The following KLKB1 variants were observed in gnomAD, a reference collection of about 807,000 sequenced individuals.
The protein encoded by KLKB1 is plasma kallikrein.
In KLKB1, 58 loss-of-function variants were observed where a neutral mutation model predicts 73.6. The observed-to-expected ratio is 0.79, with a 90% confidence interval of 0.64 to 0.98. The LOEUF (loss-of-function observed/expected upper bound fraction) is 0.98, where lower values mean the gene tolerates loss of function less well. Ranked by LOEUF, KLKB1 falls within the 50% of genes least tolerant of loss-of-function variation. KLKB1 has a pLI of 0.00. For missense variants in KLKB1, 737 were observed against 763.8 expected, an observed-to-expected ratio of 0.96 and a Z score of 0.41; for synonymous variants, 280 against 258.1, an observed-to-expected ratio of 1.08 and a Z score of -0.81.
At position 186,245,821 on chromosome 4, in the gene KLKB1, TTGG is replaced by T. The variant is rs1308653438; in HGVS notation, c.599-4420_599-4418del. Among the ~76,000 whole-genome samples, 137 of 114,856 alleles carry T rather than the reference TTGG, an allele frequency of 1.2e-3. 14 individuals are homozygous for T. The highest frequency in any genetic ancestry group is 3.5e-3 in the East Asian group (13 of 3,750). 75.3% of individuals were successfully genotyped at this position (114,856 alleles called of 152,430 possible). A position where few individuals can be genotyped will look rare whatever the true frequency, so the allele number is the denominator to read the frequency against. ...TTTGGAGTTTTTTTTTGTTTGTTTT[TTGG>T]TTTTTTTTTTTTAATGTCAGGAGCT... On this transcript the variant is annotated intron_variant, in intron 6 of 14. Transcript: ENST00000264690.
chr4:186,218,680 A>G (rs1736964996), intron 2 of KLKB1, among the ~76,000 whole-genome samples: 1 of 152,006 alleles, frequency 6.6e-6, no homozygotes, highest in South Asian at 2.1e-4. Flanking sequence ...AGAACCCATC[A>G]GATCTATTCT....
At chr4:186,219,761 A>G (rs949909283) in intron 2 of KLKB1, among the ~76,000 whole-genome samples, 7 of 152,082 alleles carry the variant, frequency 4.6e-5, no homozygotes, top group African/African-American at 7.2e-5. Context: ...ATTCATTCCT[A>G]AGGGGTCTGG....
intron 6 of KLKB1, among the ~76,000 whole-genome samples, chr4:186,245,629 T>C (rs1269306824): frequency 6.6e-6 from 1 of 152,048 alleles, no homozygotes; most frequent in Admixed American, 6.6e-5. Flanking sequence ...GTTTAGGCAT[T>C]TTGAAGTTTT....
chr4:186,240,289 A>G (rs1737956319), intron 6 of KLKB1, among the ~76,000 whole-genome samples: 1 of 151,858 alleles, frequency 6.6e-6, no homozygotes, highest in African/African-American at 2.4e-5. Context: ...TGTTATAGTT[A>G]TAGGACAGTG....
intron 6 of KLKB1, among the ~76,000 whole-genome samples, chr4:186,244,739 T>G (rs1389696147): frequency 1.3e-5 from 2 of 152,148 alleles, no homozygotes; most frequent in African/African-American, 4.8e-5. Context: ...CTTGTCCGGT[T>G]TTTGGACAGG....
At chr4:186,245,177 G>A (rs1205968838) in intron 6 of KLKB1, among the ~76,000 whole-genome samples, 1 of 152,168 alleles carries the variant, frequency 6.6e-6, no homozygotes, top group Non-Finnish European at 1.5e-5. Flanking sequence ...GTTTTAAGAG[G>A]TTTAGAAGCC....
chr4:186,255,851 T>C, intron 12 of KLKB1, 141 bp from the exon 13 acceptor site: 1 of 660,152 alleles, frequency 1.5e-6, no homozygotes, highest in Non-Finnish European at 2.7e-6. Flanking sequence ...ATCATTAGCC[T>C]TAGAGGTTGG....
intron 2 of KLKB1, among the ~76,000 whole-genome samples, chr4:186,230,535 A>G (rs142361366): frequency 6.6e-6 from 1 of 152,362 alleles, no homozygotes; most frequent in East Asian, 1.9e-4. Context: ...AGTACTTTAC[A>G]TAGGCTCCAA....
At position 186,251,737 on chromosome 4, in the gene KLKB1, C is replaced by G. The variant is rs760833844; in HGVS notation, c.1032-12C>G. The G allele has an allele frequency of 6.2e-7, 1 of 1,607,168 alleles. No individual in the cohort carries two copies. Among genetic ancestry groups the G allele is most frequent in the Non-Finnish European group, 8.5e-7 (1 of 1,173,714 alleles). On this transcript the variant is annotated splice_polypyrimidine_tract_variant and intron_variant, in intron 9 of 14. Coordinates refer to ENST00000264690, the MANE Select transcript of KLKB1 (RefSeq NM_000892.5). ...GTGAAGGCTTACTCTTTCTACTGTTCATTTCATCTAGGTGTAAGTGTTTCT... is the reference window on the plus strand; with the variant it reads ...GTGAAGGCTTACTCTTTCTACTGTTGATTTCATCTAGGTGTAAGTGTTTCT...
chr4:186,227,970 C>T (rs1216551584), intron 1 of KLKB1, among the ~76,000 whole-genome samples: 2 of 152,084 alleles, frequency 1.3e-5, no homozygotes, highest in Admixed American at 6.6e-5. Flanking sequence ...ACAATAAACA[C>T]AACAGTAGTC....
chr4:186,240,370 A>AT (rs1737963642), intron 6 of KLKB1, among the ~76,000 whole-genome samples: 1 of 152,080 alleles, frequency 6.6e-6, no homozygotes, highest in Non-Finnish European at 1.5e-5. Flanking sequence ...TAGGACAGTG[A>AT]TATTGTTATA....
At chr4:186,240,932 G>C (rs1417482183) in intron 6 of KLKB1, among the ~76,000 whole-genome samples, 1 of 152,184 alleles carries the variant, frequency 6.6e-6, no homozygotes, top group Non-Finnish European at 1.5e-5. Context: ...TCGTGCTGTG[G>C]CTCTGGGCTG....
chr4:186,257,238 A>C lies in KLKB1; in HGVS notation c.1598A>C (p.Asn533Thr), dbSNP rs1272522794. 9 of 1,589,530 alleles carry C rather than the reference A, an allele frequency of 5.7e-6. No individual in the cohort carries two copies. The highest frequency in any genetic ancestry group is 1.3e-5 in the African/African-American group (1 of 74,452). ...GFSKEKGEIQNILQKVNIPLV... is the reference protein window; with the variant it reads ...GFSKEKGEIQTILQKVNIPLV... ...TGGTTACTCACAGGTGAAATCCAAA[A>C]TATTCTACAAAAGGTAAATATTCCT... The change falls in exon 14 of 15, where the codon AAT becomes ACT. Residue 533 changes from asparagine (N) to threonine (T), a missense_variant. Asn to Thr is a moderately conservative substitution (Grantham distance 65). Transcript: ENST00000264690.
chr4:186,236,908 T>C lies in KLKB1; in HGVS notation c.456T>C (p.Tyr152=), dbSNP rs961541129. Residue 152 remains tyrosine (Y), a synonymous_variant, in exon 5 of 15, where the codon TAT becomes TAC. Coordinates refer to ENST00000264690, the MANE Select transcript of KLKB1 (RefSeq NM_000892.5). The stretch of plus-strand genomic sequence containing the variant: ...ACATTCGCTGCCAGTTTTTTTCATA[T>C]GCCACGCAAACATTTCACAAGGCAG... ...TSNIRCQFFS[Y]ATQTFHKAEY... 8.7e-6 allele frequency: 14 copies of C among 1,614,012 alleles called. No homozygotes were observed. The highest frequency in any genetic ancestry group is 1.2e-5 in the Non-Finnish European group (14 of 1,180,024).
intron 2 of KLKB1, among the ~76,000 whole-genome samples, chr4:186,218,991 A>G (rs1175462480): frequency 6.6e-6 from 1 of 152,190 alleles, no homozygotes; most frequent in Non-Finnish European, 1.5e-5. Context: ...TAACTCCAAG[A>G]GTCCAAAAGC....
chr4:186,235,891 G>A (rs1364760492), intron 4 of KLKB1, among the ~76,000 whole-genome samples: 3 of 151,952 alleles, frequency 2.0e-5, no homozygotes, highest in Non-Finnish European at 4.4e-5. Flanking sequence ...CGAGACGGGC[G>A]GATCACGAGG....
At chr4:186,248,804 G>A (rs1017400922) in intron 6 of KLKB1, among the ~76,000 whole-genome samples, 2 of 152,068 alleles carry the variant, frequency 1.3e-5, no homozygotes, top group African/African-American at 4.8e-5. Context: ...CAACAATTGA[G>A]GGCTTCAGTC....
In KLKB1 at chr4:186,231,205, G is replaced by A. The variant is rs115136459; in HGVS notation, c.59-922G>A. ...CTATTTAAATTGAAGAGTAACTACT[G>A]CCCCAGGGAATGGACAGGTTGTCAT... On this transcript the variant is annotated intron_variant, in intron 2 of 14. Coordinates refer to ENST00000264690, the MANE Select transcript of KLKB1 (RefSeq NM_000892.5). Among the ~76,000 whole-genome samples, 144 of 152,316 alleles carry A rather than the reference G, an allele frequency of 9.5e-4. 1 individual carries two copies. Among genetic ancestry groups the A allele is most frequent in the African/African-American group, 2.6e-3 (109 of 41,558 alleles).
At chr4:186,233,310 C>G (rs1416975125) in intron 3 of KLKB1, among the ~76,000 whole-genome samples, 1 of 152,180 alleles carries the variant, frequency 6.6e-6, no homozygotes, top group Non-Finnish European at 1.5e-5. Flanking sequence ...CCAGAGTAAG[C>G]TTTTCTTTGT....
Sources: gnomAD v4.1 joint callset for allele counts (sites outside exome capture counted in the v4.1 genomes callset) on GRCh38, gnomAD v4.1.1 for gene constraint, MANE v1.5 for transcripts, NCBI Gene and HGNC (gene_info 2026-07-23, HGNC 2026-07-21) for gene names.